TBC1D22A: variants seen among roughly 807,000 people sequenced by gnomAD.
The protein encoded by TBC1D22A is putative GTPase activator.
TBC1D22A carries 38 observed loss-of-function variants against 60.2 expected under a neutral mutation model. That is an observed-to-expected ratio of 0.63 (90% confidence interval 0.49 to 0.83). The LOEUF is 0.83. TBC1D22A is among the 40% of genes least tolerant of loss of function. The pLI, the probability that TBC1D22A is intolerant of heterozygous loss-of-function variation, is 0.00. For synonymous variants in TBC1D22A, 302 were observed against 281.7 expected, an observed-to-expected ratio of 1.07 and a Z score of -0.72; for missense variants, 628 against 701.0, an observed-to-expected ratio of 0.90 and a Z score of 1.18.
At chr22:47,037,277 G>A in intron 11 of TBC1D22A, 79 bp downstream of exon 11, 2 of 1,571,770 alleles carry the variant, frequency 1.3e-6, no homozygotes, top group Non-Finnish European at 1.7e-6. Context: ...CCCTGGGCCT[G>A]TGTGCTGCAT....
At chr22:47,097,204 C>T (rs1184484106) in intron 11 of TBC1D22A, among the ~76,000 whole-genome samples, 1 of 72,524 alleles carries the variant, frequency 1.4e-5, no homozygotes, top group Non-Finnish European at 2.5e-5. Context: ...TTCACCTTGT[C>T]GTTTTGTCTT....
intron 8 of TBC1D22A, among the ~76,000 whole-genome samples, chr22:46,916,654 A>G (rs2070387118): frequency 6.6e-6 from 1 of 152,190 alleles, no homozygotes; most frequent in Non-Finnish European, 1.5e-5. Flanking sequence ...TCTGTAATCA[A>G]CCTTTGTTTG....
At position 46,919,385 on chromosome 22, in the gene TBC1D22A, T is replaced by C. The variant is rs368862297; in HGVS notation, c.1015+7197T>C. ...CGTCTCCGGGTACGGACGCAGCACG[T>C]TGTGTTTCTCCACTCATCTGTTGGT... On this transcript the variant is annotated intron_variant, in intron 8 of 12. Transcript: ENST00000337137. Among the ~76,000 whole-genome samples the C allele has an allele frequency of 3.1e-4, 47 of 152,352 alleles. No homozygotes were observed. The East Asian group carries it at 4.6e-3, about 15-fold the overall frequency.
At chr22:47,156,951 C>T (rs76220911) in intron 12 of TBC1D22A, among the ~76,000 whole-genome samples, 21 of 152,320 alleles carry the variant, frequency 1.4e-4, no homozygotes, top group Admixed American at 1.0e-3. Flanking sequence ...TCCAAGGCAC[C>T]GGGCTGCTTG....
chr22:47,067,077 C>A (rs1426968554), intron 11 of TBC1D22A, among the ~76,000 whole-genome samples: 1 of 152,172 alleles, frequency 6.6e-6, no homozygotes, highest in Non-Finnish European at 1.5e-5. Flanking sequence ...ACCACCCTGG[C>A]CAACATGGTA....
At chr22:47,166,533 T>C (rs972308767) in intron 12 of TBC1D22A, among the ~76,000 whole-genome samples, 2 of 152,274 alleles carry the variant, frequency 1.3e-5, no homozygotes, top group Non-Finnish European at 2.9e-5. Flanking sequence ...GCACCACTCA[T>C]GGCCCTTGAA....
chr22:47,034,715 G>T lies in TBC1D22A; in HGVS notation c.1202-2356G>T, dbSNP rs538458814. ...GGAGGCAATCCCTGGCCTATGTGCC[G>T]GGGACTTTGGACGACGGAGCTCGAA... On this transcript the variant is annotated intron_variant, in intron 10 of 12. Transcript: ENST00000337137. Among the ~76,000 whole-genome samples the T allele has an allele frequency of 2.0e-5, 3 of 152,200 alleles. No homozygotes were observed. In the East Asian group the frequency reaches 5.8e-4, roughly 29 times the overall value.
chr22:46,999,528 GCT>G (rs2075238776), intron 10 of TBC1D22A, among the ~76,000 whole-genome samples: 1 of 152,150 alleles, frequency 6.6e-6, no homozygotes. Context: ...TCGCGTTTGA[GCT>G]CTCAGACTGG....
chr22:46,874,562 CTTTTTTTTTT>C (rs747481407), intron 4 of TBC1D22A, among the ~76,000 whole-genome samples: 10 of 40,782 alleles, frequency 2.5e-4, no homozygotes, highest in East Asian at 1.7e-3. Flanking sequence ...ACAGGTATGT[CTTTTTTTTTT>C]TTTTTTTTTT....
At chr22:46,796,886 G>A (rs115839635) in intron 3 of TBC1D22A, among the ~76,000 whole-genome samples, 2,052 of 152,340 alleles carry the variant, frequency 0.013, 47 homozygotes, top group African/African-American at 0.048. Flanking sequence ...CCAGGGCACT[G>A]GTGAGACCCA....
At chr22:46,873,041 A>G (rs2067365843) in intron 4 of TBC1D22A, among the ~76,000 whole-genome samples, 1 of 152,228 alleles carries the variant, frequency 6.6e-6, no homozygotes, top group Non-Finnish European at 1.5e-5. Context: ...AGAAGTTTTT[A>G]CAAGATCCAG....
intron 8 of TBC1D22A, among the ~76,000 whole-genome samples, chr22:46,928,126 G>GAAA (rs56701535): frequency 6.8e-6 from 1 of 146,336 alleles, no homozygotes. Context: ...TAACAGTCTT[G>GAAA]AAAAAAAAAA....
chr22:47,074,603 C>T (rs2147525612), intron 11 of TBC1D22A, among the ~76,000 whole-genome samples: 1 of 152,284 alleles, frequency 6.6e-6, no homozygotes, highest in South Asian at 2.1e-4. Context: ...ATCTAATATC[C>T]CTTCTTTGTA....
chr22:47,077,508 G>A (rs552873440), intron 11 of TBC1D22A, among the ~76,000 whole-genome samples: 3 of 152,214 alleles, frequency 2.0e-5, no homozygotes, highest in Admixed American at 6.5e-5. Context: ...TTATTGCTTC[G>A]GTTCTGCTGG....
chr22:47,095,794 G>T (rs112995987), intron 11 of TBC1D22A, among the ~76,000 whole-genome samples: 21 of 152,350 alleles, frequency 1.4e-4, no homozygotes, highest in African/African-American at 5.0e-4. Context: ...GGGCTGTCAG[G>T]AGCTGCCCCA....
intron 11 of TBC1D22A, among the ~76,000 whole-genome samples, chr22:47,051,657 C>T (rs1044706959): frequency 1.3e-5 from 2 of 152,204 alleles, no homozygotes; most frequent in African/African-American, 4.8e-5. Flanking sequence ...GGAGGAGACC[C>T]TCTGTGGCAG....
intron 12 of TBC1D22A, among the ~76,000 whole-genome samples, chr22:47,141,433 G>A (rs367803276): frequency 6.6e-5 from 10 of 152,172 alleles, no homozygotes; most frequent in Admixed American, 1.3e-4. Flanking sequence ...TTCCCCTTAC[G>A]CACGCATTTA....
intron 1 of TBC1D22A, among the ~76,000 whole-genome samples, chr22:46,787,855 G>A (rs751190775): frequency 1.3e-5 from 2 of 151,776 alleles, no homozygotes; most frequent in Non-Finnish European, 2.9e-5. Context: ...GGTGGTGTCT[G>A]TGTGGTTATT....
intron 12 of TBC1D22A, among the ~76,000 whole-genome samples, chr22:47,141,759 A>C (rs9615465): frequency 0.019 from 2,872 of 151,996 alleles, 49 homozygotes; most frequent in Non-Finnish European, 0.032. Flanking sequence ...GGAAGAAGGA[A>C]GAAGGGAAGG....
Sources: allele counts gnomAD v4.1 joint callset (sites outside exome capture counted in the v4.1 genomes callset), GRCh38; gene constraint gnomAD v4.1.1; transcripts MANE v1.5; gene names NCBI Gene and HGNC (gene_info 2026-07-23, HGNC 2026-07-21).